The following CDH12 variants were observed in gnomAD, a reference collection of about 807,000 sequenced individuals.
CDH12 encodes the protein cadherin 12, also known as cadherin-12.
CDH12 carries 41 observed loss-of-function variants against 74.1 expected under a neutral mutation model. The ratio of observed to expected loss-of-function variants is 0.55; its 90% CI spans 0.43 to 0.72. CDH12 has a LOEUF of 0.72. CDH12 is among the 30% of genes least tolerant of loss of function. The probability of loss-of-function intolerance (pLI) is 0.00; values close to 1 mark genes in which losing one functional copy is unlikely to be tolerated. For missense variants in CDH12, 945 were observed against 977.2 expected, an observed-to-expected ratio of 0.97 and a Z score of 0.44; for synonymous variants, 399 against 355.0, an observed-to-expected ratio of 1.12 and a Z score of -1.39.
chr5:22,257,417 A>G (rs1753357570), intron 3 of CDH12, among the ~76,000 whole-genome samples: 2 of 151,928 alleles, frequency 1.3e-5, no homozygotes. Context: ...ATTTTTGTAC[A>G]TCTGTACAAT....
chr5:22,154,470 TACAC>T (rs1449925409), intron 4 of CDH12, among the ~76,000 whole-genome samples: 81 of 752 alleles, frequency 0.11, 4 homozygotes, highest in East Asian at 0.49. Flanking sequence ...CATATATATG[TACAC>T]ATATATATGT....
At chr5:22,686,739 TA>T (rs1741816028) in intron 1 of CDH12, among the ~76,000 whole-genome samples, 1 of 152,216 alleles carries the variant, frequency 6.6e-6, no homozygotes, top group African/African-American at 2.4e-5. Context: ...AAGATTAAAT[TA>T]AATTCAATAA....
intron 1 of CDH12, among the ~76,000 whole-genome samples, chr5:22,714,474 A>C (rs930232825): frequency 6.6e-6 from 1 of 152,188 alleles, no homozygotes; most frequent in Non-Finnish European, 1.5e-5. Flanking sequence ...TGCAAGTAAA[A>C]TAATTAGATA....
intron 4 of CDH12, among the ~76,000 whole-genome samples, chr5:22,122,975 T>C (rs1745614428): frequency 1.3e-5 from 2 of 152,220 alleles, no homozygotes; most frequent in South Asian, 2.1e-4. Context: ...CTTGGGTCTC[T>C]AGCCTGACAA....
At chr5:22,181,002 CCT>C (rs1005939576) in intron 4 of CDH12, among the ~76,000 whole-genome samples, 10 of 152,006 alleles carry the variant, frequency 6.6e-5, no homozygotes, top group Admixed American at 4.6e-4. Context: ...AAATCCTTCC[CCT>C]GTGTATGCAA....
intron 4 of CDH12, among the ~76,000 whole-genome samples, chr5:22,130,119 T>G (rs6452058): frequency 0.84 from 124,298 of 148,094 alleles, 52,335 homozygotes; most frequent in East Asian, 0.92. Context: ...CTCACAAAAA[T>G]ACTCAAAATA....
intron 1 of CDH12, among the ~76,000 whole-genome samples, chr5:22,830,768 T>A (rs993641875): frequency 5.3e-5 from 8 of 151,846 alleles, no homozygotes; most frequent in African/African-American, 1.7e-4. Context: ...TTTATTATAT[T>A]AACTTAATTT....
At chr5:22,465,270 T>G (rs1381360362) in intron 2 of CDH12, among the ~76,000 whole-genome samples, 1 of 152,150 alleles carries the variant, frequency 6.6e-6, no homozygotes, top group Non-Finnish European at 1.5e-5. Context: ...CTCCCAAATT[T>G]ATAACTCCAG....
intron 2 of CDH12, among the ~76,000 whole-genome samples, chr5:22,468,765 G>A (rs1745839303): frequency 6.6e-6 from 1 of 151,898 alleles, no homozygotes; most frequent in Non-Finnish European, 1.5e-5. Context: ...ATTGTCATAT[G>A]GACTCAACTA....
At chr5:22,714,700 C>A (rs186917595) in intron 1 of CDH12, among the ~76,000 whole-genome samples, 1 of 152,078 alleles carries the variant, frequency 6.6e-6, no homozygotes. Context: ...CCAATAGGCC[C>A]GCCTAATATT....
intron 8 of CDH12, among the ~76,000 whole-genome samples, chr5:21,834,050 A>C (rs927550869): frequency 6.0e-4 from 91 of 152,130 alleles, no homozygotes; most frequent in African/African-American, 2.1e-3. Flanking sequence ...AAACAGGGAC[A>C]GTGTCATCAA....
intron 1 of CDH12, among the ~76,000 whole-genome samples, chr5:22,612,249 T>G (rs1398639347): frequency 1.3e-5 from 2 of 152,182 alleles, no homozygotes; most frequent in Admixed American, 6.6e-5. Flanking sequence ...AAAATAATGC[T>G]CATCATTTAC....
intron 5 of CDH12, among the ~76,000 whole-genome samples, chr5:22,028,449 C>T (rs1303968617): frequency 6.6e-6 from 1 of 152,144 alleles, no homozygotes; most frequent in African/African-American, 2.4e-5. Context: ...AAATCACAAG[C>T]ATTCTTATAC....
intron 1 of CDH12, among the ~76,000 whole-genome samples, chr5:22,512,610 G>T (rs1030701076): frequency 2.0e-5 from 3 of 152,152 alleles, no homozygotes; most frequent in Middle Eastern, 3.2e-3. Flanking sequence ...AGAATTCCTT[G>T]TAAGAAGCTG....
intron 5 of CDH12, among the ~76,000 whole-genome samples, chr5:22,027,290 C>T (rs1339348429): frequency 6.6e-6 from 1 of 152,084 alleles, no homozygotes; most frequent in Non-Finnish European, 1.5e-5. Context: ...TTGGTTGTGT[C>T]TCTGCCCAGC....
intron 5 of CDH12, among the ~76,000 whole-genome samples, chr5:21,980,025 C>A (rs1196028443): frequency 1.3e-5 from 2 of 151,656 alleles, no homozygotes; most frequent in Non-Finnish European, 2.9e-5. Context: ...ATTTGCATTT[C>A]TCTGATGGCC....
chr5:22,148,264 T>G (rs1012794622), intron 4 of CDH12, among the ~76,000 whole-genome samples: 1 of 152,200 alleles, frequency 6.6e-6, no homozygotes, highest in Non-Finnish European at 1.5e-5. Flanking sequence ...TACTATTTAT[T>G]AAGTATTTGC....
rs193144211 is a variant in CDH12 at position 22,712,332 on chromosome 5, G to T, written c.-523+140726C>A. Among the ~76,000 whole-genome samples the T allele has an allele frequency of 3.1e-3, 478 of 151,870 alleles. 4 individuals carry two copies. Among genetic ancestry groups the T allele is most frequent in the African/African-American group, 0.011 (460 of 41,480 alleles). On this transcript the variant is annotated intron_variant, in intron 1 of 14. Coordinates refer to ENST00000382254, the MANE Select transcript of CDH12 (RefSeq NM_004061.5). ...AGTATATTCATTGGTACTAATAAAA[G>T]TTTGTTTTATTATTTAGAGTTCCAT...
At chr5:22,134,633 A>G (rs1314062373) in intron 4 of CDH12, among the ~76,000 whole-genome samples, 1 of 146,078 alleles carries the variant, frequency 6.8e-6, no homozygotes, top group Admixed American at 7.0e-5. Context: ...CTTCCTCTCC[A>G]TTCTTACAAT....
Sources: gnomAD v4.1 joint callset for allele counts (sites outside exome capture counted in the v4.1 genomes callset) on GRCh38, gnomAD v4.1.1 for gene constraint, MANE v1.5 for transcripts, NCBI Gene and HGNC (gene_info 2026-07-23, HGNC 2026-07-21) for gene names.